The following AGBL4 variants were observed in gnomAD, a reference collection of about 807,000 sequenced individuals.
AGBL4 encodes the protein cytosolic carboxypeptidase 6.
AGBL4 carries 58 observed loss-of-function variants against 66.4 expected under a neutral mutation model. The ratio of observed to expected loss-of-function variants is 0.87; its 90% CI spans 0.71 to 1.09. The LOEUF is 1.09. Ranked by LOEUF, AGBL4 falls within the 50% of genes least tolerant of loss-of-function variation. AGBL4 has a pLI of 0.00. For missense variants in AGBL4, 579 were observed against 631.0 expected (o/e 0.92, Z 0.88); for synonymous variants, 234 against 222.9 (o/e 1.05, Z -0.44).
chr1:48,801,290 G>A (rs1645800097), intron 6 of AGBL4, among the ~76,000 whole-genome samples: 1 of 152,132 alleles, frequency 6.6e-6, no homozygotes. Context: ...GCCCCTCCCT[G>A]CCTGCCCACA....
At chr1:48,776,548 C>CA in intron 6 of AGBL4, 6 of 1,274,578 alleles carry the variant, frequency 4.7e-6, no homozygotes, top group Non-Finnish European at 6.1e-6. Flanking sequence ...CCCCCGGCCC[C>CA]TCCCGGGGTC....
At position 49,831,094 on chromosome 1, in the gene AGBL4, T is replaced by G. The variant is rs184598580; in HGVS notation, c.157+20302A>C. On this transcript the variant is annotated intron_variant, in intron 2 of 13. Coordinates refer to ENST00000371839, the MANE Select transcript of AGBL4 (RefSeq NM_032785.4). ...TGGGATTGTCTTGGCTATGCAGACT[T>G]TTTTTTGGTTCCAAATGAAATTTAA... Among the ~76,000 whole-genome samples, 4 of 152,194 alleles carry G rather than the reference T, an allele frequency of 2.6e-5. No homozygotes were observed. In the East Asian group the frequency reaches 7.7e-4, roughly 29 times the overall value.
chr1:48,673,106 C>T (rs767680024), intron 6 of AGBL4, among the ~76,000 whole-genome samples: 1 of 152,128 alleles, frequency 6.6e-6, no homozygotes, highest in African/African-American at 2.4e-5. Context: ...ATTTGATTCC[C>T]CAGCTATACT....
At chr1:49,123,324 T>G (rs982140562) in intron 4 of AGBL4, among the ~76,000 whole-genome samples, 2 of 152,154 alleles carry the variant, frequency 1.3e-5, no homozygotes, top group Non-Finnish European at 2.9e-5. Flanking sequence ...ATTTAGAAAA[T>G]TTGTGGTTAG....
chr1:48,533,009 T>C lies in AGBL4; in HGVS notation c.*1164A>G, dbSNP rs1284348521. ...GGAGAACAAGTTTTCTTTTTGATTT[T>C]TGTAGCAAACTTCAATAATCTCCAA... On this transcript the variant is annotated 3_prime_UTR_variant, in exon 14 of 14. Transcript: ENST00000371839. 1 of 151,964 alleles carries C rather than the reference T, an allele frequency of 6.6e-6. No individual in the cohort carries two copies. The highest frequency in any genetic ancestry group is 2.4e-5 in the African/African-American group (1 of 41,130). 9.4% of individuals were successfully genotyped at this position (151,964 alleles called of 1,614,324 possible). A position where few individuals can be genotyped will look rare whatever the true frequency, so the allele number is the denominator to read the frequency against.
chr1:49,514,899 A>C (rs1183025429), intron 3 of AGBL4, among the ~76,000 whole-genome samples: 9 of 152,134 alleles, frequency 5.9e-5, no homozygotes, highest in Non-Finnish European at 1.3e-4. Flanking sequence ...AGATGGATTA[A>C]AGACTTAAAT....
intron 1 of AGBL4, among the ~76,000 whole-genome samples, chr1:50,013,600 T>C (rs762389617): frequency 1.3e-5 from 2 of 152,220 alleles, no homozygotes; most frequent in Non-Finnish European, 2.9e-5. Flanking sequence ...GCTATTCTTG[T>C]GATGGTACAT....
intron 3 of AGBL4, among the ~76,000 whole-genome samples, chr1:49,623,542 T>C (rs1645407311): frequency 6.6e-6 from 1 of 152,200 alleles, no homozygotes; most frequent in Non-Finnish European, 1.5e-5. Context: ...ACATTAATAG[T>C]ACTAATGCCT....
intron 6 of AGBL4, among the ~76,000 whole-genome samples, chr1:48,823,928 C>T (rs1054474786): frequency 6.6e-6 from 1 of 152,042 alleles, no homozygotes; most frequent in African/African-American, 2.4e-5. Context: ...TTATCAGAAT[C>T]GTTACCAGGA....
At chr1:48,610,809 C>T (rs1436104796) in intron 9 of AGBL4, among the ~76,000 whole-genome samples, 2 of 152,212 alleles carry the variant, frequency 1.3e-5, no homozygotes, top group African/African-American at 4.8e-5. Context: ...TCCCTGTCTC[C>T]TGCACCTCAG....
chr1:49,495,729 T>TA (rs1307345780), intron 3 of AGBL4, among the ~76,000 whole-genome samples: 5 of 151,762 alleles, frequency 3.3e-5, no homozygotes, highest in Non-Finnish European at 5.9e-5. Context: ...CACATTGATT[T>TA]AAAAAAAGGG....
intron 6 of AGBL4, among the ~76,000 whole-genome samples, chr1:48,771,816 A>G (rs1174864535): frequency 6.6e-6 from 1 of 152,210 alleles, no homozygotes; most frequent in Non-Finnish European, 1.5e-5. Context: ...TGAGCCCTGA[A>G]TGAGCTAAAA....
intron 2 of AGBL4, among the ~76,000 whole-genome samples, chr1:49,833,037 C>T (rs1199283978): frequency 1.3e-5 from 2 of 151,854 alleles, no homozygotes; most frequent in Non-Finnish European, 1.5e-5. Flanking sequence ...GTTGCCATTG[C>T]TTTTGGTGTT....
At chr1:50,014,536 CTTT>C (rs886696766) in intron 1 of AGBL4, among the ~76,000 whole-genome samples, 1 of 109,022 alleles carries the variant, frequency 9.2e-6, no homozygotes. Context: ...CAGAGGATTT[CTTT>C]TTTTTTTTTT....
intron 2 of AGBL4, among the ~76,000 whole-genome samples, chr1:49,820,157 A>G (rs1267447222): frequency 6.6e-6 from 1 of 152,206 alleles, no homozygotes; most frequent in African/African-American, 2.4e-5. Flanking sequence ...TAGCGTAAGC[A>G]TCACATACAC....
chr1:49,220,387 A>T (rs867053624), intron 4 of AGBL4, among the ~76,000 whole-genome samples: 22 of 152,232 alleles, frequency 1.4e-4, no homozygotes, highest in Middle Eastern at 3.4e-3. Context: ...GCCACTTACC[A>T]ACTACATTGC....
chr1:48,864,057 A>G (rs1263497281), intron 6 of AGBL4, among the ~76,000 whole-genome samples: 1 of 152,132 alleles, frequency 6.6e-6, no homozygotes, highest in Non-Finnish European at 1.5e-5. Flanking sequence ...TAAGTGACAC[A>G]GTACTGATAC....
chr1:49,212,649 G>C (rs1320737786), intron 4 of AGBL4, among the ~76,000 whole-genome samples: 1 of 152,044 alleles, frequency 6.6e-6, no homozygotes, highest in Non-Finnish European at 1.5e-5. Flanking sequence ...ATAGGAACCT[G>C]GTAGTTCAGA....
At chr1:49,510,946 T>A (rs1649181395) in intron 3 of AGBL4, among the ~76,000 whole-genome samples, 2 of 151,254 alleles carry the variant, frequency 1.3e-5, no homozygotes, top group South Asian at 4.2e-4. Context: ...GATCTATATC[T>A]CTGTTTTGGT....
Sources: allele counts gnomAD v4.1 joint callset (sites outside exome capture counted in the v4.1 genomes callset), GRCh38; gene constraint gnomAD v4.1.1; transcripts MANE v1.5; gene names NCBI Gene and HGNC (gene_info 2026-07-23, HGNC 2026-07-21).